Variants in ERBB4 observed in about 807,000 individuals in gnomAD.
ERBB4 encodes erb-b2 receptor tyrosine kinase 4, also known as receptor tyrosine-protein kinase erbB-4.
In ERBB4, 42 loss-of-function variants were observed where a neutral mutation model predicts 158.0. That is an observed-to-expected ratio of 0.27 (90% CI 0.21 to 0.34). ERBB4 has a LOEUF of 0.34. Ranked by LOEUF, ERBB4 falls within the 10% of genes least tolerant of loss-of-function variation. The pLI, the probability that ERBB4 is intolerant of heterozygous loss-of-function variation, is 1.00. For synonymous variants in ERBB4, 583 were observed against 558.7 expected (o/e 1.04, Z -0.61); for missense variants, 1,333 against 1,624.1 (o/e 0.82, Z 3.08).
intron 1 of ERBB4, among the ~76,000 whole-genome samples, chr2:212,332,688 G>A (rs1157951804): frequency 6.6e-6 from 1 of 151,962 alleles, no homozygotes; most frequent in African/African-American, 2.4e-5. Context: ...TTTCTTTCCT[G>A]GGTTGTAACT....
intron 1 of ERBB4, among the ~76,000 whole-genome samples, chr2:212,389,763 T>C (rs1505350): frequency 0.03 from 4,597 of 152,086 alleles, 211 homozygotes; most frequent in African/African-American, 0.1. Flanking sequence ...AATTTAGCTC[T>C]CTTTTGTGTG....
At chr2:211,707,511 ATTAT>A (rs2073496601) in intron 9 of ERBB4, among the ~76,000 whole-genome samples, 1 of 152,154 alleles carries the variant, frequency 6.6e-6, no homozygotes, top group Non-Finnish European at 1.5e-5. Flanking sequence ...CATCGAGTTT[ATTAT>A]TTCCCTTCCA....
At chr2:212,295,740 T>C (rs1351812303) in intron 1 of ERBB4, among the ~76,000 whole-genome samples, 2 of 152,048 alleles carry the variant, frequency 1.3e-5, no homozygotes, top group African/African-American at 2.4e-5. Context: ...AACAAGTACA[T>C]AGTAGCTGCA....
intron 1 of ERBB4, among the ~76,000 whole-genome samples, chr2:212,330,886 A>G (rs971924905): frequency 2.0e-5 from 3 of 151,194 alleles, no homozygotes; most frequent in African/African-American, 4.8e-5. Flanking sequence ...GATTACCCTA[A>G]TGGGTAGAAT....
At chr2:211,593,729 C>A (rs1322716914) in intron 19 of ERBB4, among the ~76,000 whole-genome samples, 1 of 152,152 alleles carries the variant, frequency 6.6e-6, no homozygotes, top group African/African-American at 2.4e-5. Context: ...TTTATTGATA[C>A]ACTATGTGCA....
intron 1 of ERBB4, among the ~76,000 whole-genome samples, chr2:212,291,326 C>T (rs943011427): frequency 3.3e-5 from 5 of 152,000 alleles, no homozygotes; most frequent in East Asian, 1.9e-4. Flanking sequence ...ATGATTCTAA[C>T]GAACAGTTAT....
chr2:212,499,912 G>C (rs1690789734), intron 1 of ERBB4, among the ~76,000 whole-genome samples: 1 of 152,058 alleles, frequency 6.6e-6, no homozygotes, highest in African/African-American at 2.4e-5. Context: ...TCCTGTCTCT[G>C]TGCCTCAAGT....
chr2:211,942,849 T>C (rs995819846), intron 3 of ERBB4, among the ~76,000 whole-genome samples: 12 of 152,114 alleles, frequency 7.9e-5, no homozygotes, highest in Admixed American at 4.6e-4. Flanking sequence ...ATTTATAAAG[T>C]GAAAATTCAA....
intron 25 of ERBB4, among the ~76,000 whole-genome samples, chr2:211,412,357 T>C (rs1264954776): frequency 1.3e-5 from 2 of 152,210 alleles, no homozygotes; most frequent in Non-Finnish European, 2.9e-5. Flanking sequence ...GCCTTTCTTC[T>C]GATCCATTTC....
At chr2:211,416,289 G>C (rs2063388993) in intron 25 of ERBB4, among the ~76,000 whole-genome samples, 1 of 151,480 alleles carries the variant, frequency 6.6e-6, no homozygotes, top group Non-Finnish European at 1.5e-5. Context: ...TATAATTCTA[G>C]GTAACTCAAA....
chr2:211,709,274 T>TATATACATACATATATATATATAC (rs1553615210), intron 9 of ERBB4, among the ~76,000 whole-genome samples: 1 of 136,558 alleles, frequency 7.3e-6, no homozygotes, highest in African/African-American at 2.9e-5. Flanking sequence ...TATATATATA[T>TATATACATACATATATATATATAC]ACATACATAT....
intron 3 of ERBB4, among the ~76,000 whole-genome samples, chr2:211,940,327 C>A (rs1365786607): frequency 2.0e-5 from 3 of 152,132 alleles, no homozygotes; most frequent in Admixed American, 6.5e-5. Context: ...CTCTGAGGAG[C>A]AAAAATGTTC....
intron 1 of ERBB4, among the ~76,000 whole-genome samples, chr2:212,144,874 A>T (rs2080612293): frequency 6.6e-6 from 1 of 152,232 alleles, no homozygotes; most frequent in Non-Finnish European, 1.5e-5. Context: ...AAAATTTTTA[A>T]AAGATGTTAG....
rs374274158 is a variant in ERBB4, at chr2:212,498,465, A to C, written c.82+39984T>G. Among the ~76,000 whole-genome samples, 7 of 152,290 alleles carry C rather than the reference A, an allele frequency of 4.6e-5. No homozygotes were observed. In the East Asian group the frequency reaches 1.3e-3, roughly 29 times the overall value. On this transcript the variant is annotated intron_variant, in intron 1 of 27. Coordinates refer to ENST00000342788, the MANE Select transcript of ERBB4 (RefSeq NM_005235.3). ...CCTTTCAATCTCTAGAAGACTCTCC[A>C]AAGGATTGAGATACATTCCTATTGC...
At position 212,538,665 on chromosome 2, in the gene ERBB4, G is replaced by A; in HGVS notation, c.-135C>T. 1.2e-6 allele frequency: 1 copy of A among 848,062 alleles called. No homozygotes were observed. The highest frequency in any genetic ancestry group is 1.5e-5 in the South Asian group (1 of 64,720). 52.5% of individuals were successfully genotyped at this position (848,062 alleles called of 1,614,324 possible). A position where few individuals can be genotyped will look rare whatever the true frequency, so the allele number is the denominator to read the frequency against. On this transcript the variant is annotated 5_prime_UTR_variant, in exon 1 of 28. Transcript: ENST00000342788. Reference sequence around the variant, plus strand: ...GGGGCGGGCGCGGCGCGCGCGGTGTGGCGACTCCCAGGGCGGGCGACCGAG... The same window carrying A: ...GGGGCGGGCGCGGCGCGCGCGGTGTAGCGACTCCCAGGGCGGGCGACCGAG...
At chr2:211,847,301 CCT>C (rs1559570268) in intron 3 of ERBB4, among the ~76,000 whole-genome samples, 1 of 152,114 alleles carries the variant, frequency 6.6e-6, no homozygotes, top group African/African-American at 2.4e-5. Context: ...TTATCATAGT[CCT>C]ATATTCAGTC....
intron 1 of ERBB4, among the ~76,000 whole-genome samples, chr2:212,176,178 T>C (rs1264380502): frequency 1.3e-5 from 2 of 151,996 alleles, no homozygotes; most frequent in Non-Finnish European, 2.9e-5. Context: ...GTGCTTGCAT[T>C]CTATGCTTTG....
At chr2:211,797,289 A>C (rs941903424) in intron 3 of ERBB4, among the ~76,000 whole-genome samples, 5 of 151,910 alleles carry the variant, frequency 3.3e-5, no homozygotes, top group African/African-American at 1.2e-4. Context: ...AGTACTCAGA[A>C]ATGATTTGTC....
chr2:211,672,205 T>C (rs1236736951), intron 14 of ERBB4, among the ~76,000 whole-genome samples: 2 of 152,212 alleles, frequency 1.3e-5, no homozygotes, highest in Non-Finnish European at 2.9e-5. Context: ...TAAAAATTAA[T>C]ACTATTTAAA....
Sources: gnomAD v4.1 joint callset for allele counts (sites outside exome capture counted in the v4.1 genomes callset) on GRCh38, gnomAD v4.1.1 for gene constraint, MANE v1.5 for transcripts, NCBI Gene and HGNC (gene_info 2026-07-23, HGNC 2026-07-21) for gene names.